Variants in TRPM3 observed in about 807,000 individuals in gnomAD.
The protein encoded by TRPM3 is long transient receptor potential channel 3.
TRPM3 carries 77 observed loss-of-function variants against 181.2 expected under a neutral mutation model. The ratio of observed to expected loss-of-function variants is 0.42; its 90% confidence interval spans 0.35 to 0.51. The LOEUF is 0.51. TRPM3 is among the 20% of genes least tolerant of loss of function. TRPM3 has a pLI of 0.01. For synonymous variants in TRPM3, 745 were observed against 796.4 expected (o/e 0.94, Z 1.09); for missense variants, 1,759 against 2,196.7 (o/e 0.80, Z 3.98).
At chr9:71,035,873 G>A (rs930476392) in intron 1 of TRPM3, among the ~76,000 whole-genome samples, 1 of 151,238 alleles carries the variant, frequency 6.6e-6, no homozygotes, top group South Asian at 2.1e-4. Flanking sequence ...TAAAATATAT[G>A]GTACAAATTA....
At position 71,315,533 on chromosome 9, in the gene TRPM3, C is replaced by T. The variant is rs1479314242; in HGVS notation, c.183+131120G>A. On this transcript the variant is annotated intron_variant, in intron 1 of 24. Coordinates refer to the TRPM3 transcript ENST00000357533. ...ATTTTATAGCTTGAGCTCTAAATTTCAATTAATTTAAAATACAATTAATTT... is the reference window on the plus strand; with the variant it reads ...ATTTTATAGCTTGAGCTCTAAATTTTAATTAATTTAAAATACAATTAATTT... Among the ~76,000 whole-genome samples, 5 of 152,170 alleles carry T rather than the reference C, an allele frequency of 3.3e-5. No individual in the cohort carries two copies. In the East Asian group the frequency reaches 9.7e-4, roughly 29 times the overall value.
intron 1 of TRPM3, among the ~76,000 whole-genome samples, chr9:70,983,833 T>C (rs1014564630): frequency 6.6e-6 from 1 of 152,212 alleles, no homozygotes; most frequent in African/African-American, 2.4e-5. Flanking sequence ...GTTTAGAGCC[T>C]ATTGTTACAA....
In TRPM3 at chr9:70,591,722, AAAC is replaced by A. The variant is rs367635288; in HGVS notation, c.3049-520_3049-518del. ...AATTGGAAAGCTCAAAAACAAAACA[AAAC>A]AACAACAACAAAAACTGCCTATAAA... On this transcript the variant is annotated intron_variant, in intron 21 of 25. Transcript: ENST00000677713. Among the ~76,000 whole-genome samples, 280 of 152,312 alleles carry A rather than the reference AAAC, an allele frequency of 1.8e-3. 1 individual carries two copies. Among genetic ancestry groups the A allele is most frequent in the African/African-American group, 6.4e-3 (266 of 41,566 alleles).
At chr9:71,061,613 T>A (rs906197494) in intron 1 of TRPM3, among the ~76,000 whole-genome samples, 1 of 152,078 alleles carries the variant, frequency 6.6e-6, no homozygotes, top group Non-Finnish European at 1.5e-5. Flanking sequence ...CAATTTTTAC[T>A]GTAACCAGTC....
rs759005062 is a variant in TRPM3, at chr9:70,536,573, T to C, written c.4540A>G (p.Ser1514Gly). Residue 1514 changes from serine to glycine, a missense_variant, in exon 26 of 26, where the codon AGC becomes GGC. By Grantham distance (56) the Ser-to-Gly change is moderately conservative. Coordinates refer to ENST00000677713, the MANE Select transcript of TRPM3 (RefSeq NM_001366145.2). The part of the protein sequence containing the change: ...MYHTIERSKS[S>G]RYLATTPFLL... ...AAGGGTGTGGTGGCTAGGTAGCGGC[T>C]ACTTTTGGAACGCTCAATGGTGTGG... 1 of 1,614,170 alleles carries C rather than the reference T, an allele frequency of 6.2e-7. No individual in the cohort carries two copies. Among genetic ancestry groups the C allele is most frequent in the South Asian group, 1.1e-5 (1 of 91,080 alleles).
intron 8 of TRPM3, among the ~76,000 whole-genome samples, chr9:70,750,364 C>T (rs927377810): frequency 3.3e-5 from 5 of 152,094 alleles, no homozygotes; most frequent in African/African-American, 1.2e-4. Flanking sequence ...CTGTGGAGGG[C>T]CTCAAAGCCA....
intron 6 of TRPM3, 95 bp downstream of exon 6, chr9:70,827,752 C>G (rs1391597159): frequency 2.6e-5 from 37 of 1,445,920 alleles, no homozygotes; most frequent in Non-Finnish European, 3.0e-5. Context: ...AAAACTTGCT[C>G]AAGTTTTTAT....
intron 1 of TRPM3, among the ~76,000 whole-genome samples, chr9:70,957,175 G>T (rs1244291519): frequency 6.6e-6 from 1 of 151,996 alleles, no homozygotes; most frequent in African/African-American, 2.4e-5. Flanking sequence ...TGTTGGTCAG[G>T]GTGGTCTCAA....
At chr9:71,445,404 T>C (rs1367308982) in intron 1 of TRPM3, among the ~76,000 whole-genome samples, 2 of 152,222 alleles carry the variant, frequency 1.3e-5, no homozygotes, top group African/African-American at 4.8e-5. Flanking sequence ...TTCTAAACAA[T>C]ATTTCTACAC....
intron 1 of TRPM3, among the ~76,000 whole-genome samples, chr9:71,050,506 T>C (rs1273677681): frequency 2.0e-5 from 3 of 152,172 alleles, no homozygotes; most frequent in Non-Finnish European, 4.4e-5. Flanking sequence ...ATCTCTCAGA[T>C]TACTGAACTA....
chr9:71,230,292 C>T (rs1847504), intron 1 of TRPM3, among the ~76,000 whole-genome samples: 147,651 of 151,936 alleles, frequency 0.97, 71,828 homozygotes, highest in East Asian at 1. Flanking sequence ...AGATCGAGAG[C>T]AGAAGGATGA....
At chr9:71,110,521 G>A (rs1015342744) in intron 1 of TRPM3, among the ~76,000 whole-genome samples, 15 of 152,114 alleles carry the variant, frequency 9.9e-5, no homozygotes, top group Non-Finnish European at 1.8e-4. Flanking sequence ...GCTGCATGAC[G>A]CATAGAGTAG....
chr9:71,383,080 C>T (rs572890873), intron 1 of TRPM3, among the ~76,000 whole-genome samples: 1 of 152,224 alleles, frequency 6.6e-6, no homozygotes, highest in African/African-American at 2.4e-5. Context: ...TAATCATACC[C>T]TAACATTAAT....
chr9:71,390,596 T>C (rs2093039641), intron 1 of TRPM3, among the ~76,000 whole-genome samples: 1 of 151,980 alleles, frequency 6.6e-6, no homozygotes, highest in Non-Finnish European at 1.5e-5. Flanking sequence ...GCTAACAGAC[T>C]CTTATTCCAT....
chr9:71,215,053 A>C (rs1443291661), intron 1 of TRPM3, among the ~76,000 whole-genome samples: 2 of 144,682 alleles, frequency 1.4e-5, no homozygotes, highest in African/African-American at 5.4e-5. Context: ...AAAACAAAAA[A>C]AAAAAAAAAC....
intron 1 of TRPM3, among the ~76,000 whole-genome samples, chr9:70,977,807 A>AG (rs2097321191): frequency 6.6e-6 from 1 of 152,204 alleles, no homozygotes; most frequent in African/African-American, 2.4e-5. Context: ...GCCAGATGGA[A>AG]GTGATGTATA....
At chr9:71,297,288 G>C (rs1366559313) in intron 1 of TRPM3, among the ~76,000 whole-genome samples, 1 of 152,142 alleles carries the variant, frequency 6.6e-6, no homozygotes, top group African/African-American at 2.4e-5. Context: ...AAGAACTCAC[G>C]ATATGCTGGG....
chr9:70,786,407 C>T (rs2130891357), intron 6 of TRPM3, among the ~76,000 whole-genome samples: 1 of 150,978 alleles, frequency 6.6e-6, no homozygotes, highest in Admixed American at 6.6e-5. Context: ...ATTGCTTGAT[C>T]CCGGGAGGCA....
chr9:71,312,031 C>A (rs866681008), intron 1 of TRPM3, among the ~76,000 whole-genome samples: 21 of 152,084 alleles, frequency 1.4e-4, no homozygotes, highest in Middle Eastern at 3.4e-3. Flanking sequence ...AGATTTAACA[C>A]CAAAAGCACT....
Sources: allele counts gnomAD v4.1 joint callset (sites outside exome capture counted in the v4.1 genomes callset), GRCh38; gene constraint gnomAD v4.1.1; transcripts MANE v1.5; gene names NCBI Gene and HGNC (gene_info 2026-07-23, HGNC 2026-07-21).